FAM81A: variants seen among roughly 807,000 people sequenced by gnomAD.
FAM81A encodes the protein family with sequence similarity 81 member A.
In FAM81A, 19 loss-of-function variants were observed where a neutral mutation model predicts 46.7. The ratio of observed to expected loss-of-function variants is 0.41; its 90% CI spans 0.28 to 0.60. The LOEUF is 0.60. Ranked by LOEUF, FAM81A falls within the 20% of genes least tolerant of loss-of-function variation. The pLI is 0.34. For synonymous variants in FAM81A, 183 were observed against 152.9 expected (o/e 1.20, Z -1.45); for missense variants, 377 against 453.5 (o/e 0.83, Z 1.53).
chr15:59,435,245 C>A (rs1404989334), upstream of FAM81A, among the ~76,000 whole-genome samples: 1 of 149,080 alleles, frequency 6.7e-6, no homozygotes, highest in Non-Finnish European at 1.5e-5. Context: ...CGAGATCACG[C>A]CACTGCACTC....
At chr15:59,484,757 A>T (rs182480118) in intron 3 of FAM81A, among the ~76,000 whole-genome samples, 3 of 152,118 alleles carry the variant, frequency 2.0e-5, no homozygotes, top group African/African-American at 7.2e-5. Context: ...AGTAAAGGGG[A>T]CTTTGTCTTT....
chr15:59,484,947 G>A (rs1391904161), intron 3 of FAM81A, among the ~76,000 whole-genome samples: 6 of 152,144 alleles, frequency 3.9e-5, no homozygotes, highest in African/African-American at 1.4e-4. Context: ...ACTGAATAAA[G>A]AGCCCTTGGG....
chr15:59,476,435 TGTAGA>T lies in FAM81A; in HGVS notation c.295-15832_295-15828del, dbSNP rs1300067277. Among the ~76,000 whole-genome samples, 3 of 152,232 alleles carry T rather than the reference TGTAGA, an allele frequency of 2.0e-5. No homozygotes were observed. In the East Asian group the frequency reaches 5.8e-4, roughly 29 times the overall value. On this transcript the variant is annotated intron_variant, in intron 3 of 8. Coordinates refer to ENST00000288228, the MANE Select transcript of FAM81A (RefSeq NM_152450.3). Reference sequence around the variant, plus strand: ...ACAAACATTCAGTCCGTAACAATGATGTAGAGTAAATTTAAAAAGTACTAAAAGGA... The same window carrying T: ...ACAAACATTCAGTCCGTAACAATGATGTAAATTTAAAAAGTACTAAAAGGA...
chr15:59,439,390 ATG>A (rs146816824), intron 1 of FAM81A, among the ~76,000 whole-genome samples: 16 of 141,378 alleles, frequency 1.1e-4, no homozygotes, highest in Middle Eastern at 3.7e-3. Flanking sequence ...GCGTGTGTGT[ATG>A]TGTGTGTGTG....
At chr15:59,442,603 C>A (rs756875501) in intron 1 of FAM81A, among the ~76,000 whole-genome samples, 4 of 122,138 alleles carry the variant, frequency 3.3e-5, no homozygotes, top group Non-Finnish European at 6.3e-5. Context: ...GGCGACAGAG[C>A]GAGACTCCGT....
In FAM81A at chr15:59,488,020, A is replaced by C. The variant is rs568538509; in HGVS notation, c.295-4251A>C. ...GTTGAACACTGATGCAAAAACCCTC[A>C]ACAAAATACTGGGAAACTGAATTCA... On this transcript the variant is annotated intron_variant, in intron 3 of 8. Coordinates refer to ENST00000288228, the MANE Select transcript of FAM81A (RefSeq NM_152450.3). 2.0e-5 allele frequency among the ~76,000 whole-genome samples: 3 copies of C among 152,336 alleles called. No homozygotes were observed. The East Asian group carries it at 5.8e-4, about 29-fold the overall frequency.
intron 2 of FAM81A, among the ~76,000 whole-genome samples, chr15:59,432,807 T>A (rs1435257851): frequency 1.3e-5 from 2 of 151,922 alleles, no homozygotes; most frequent in Non-Finnish European, 2.9e-5. Flanking sequence ...TAAGGCAAAC[T>A]CAATGATCAA....
At chr15:59,514,082 G>A (rs997859881) in intron 6 of FAM81A, among the ~76,000 whole-genome samples, 9 of 152,058 alleles carry the variant, frequency 5.9e-5, no homozygotes, top group Non-Finnish European at 1.0e-4. Flanking sequence ...GGGGGCATGG[G>A]GGGGGCAAGG....
At chr15:59,492,172 C>A in intron 3 of FAM81A, 99 bp from the exon 4 acceptor site, 1 of 812,894 alleles carries the variant, frequency 1.2e-6, no homozygotes, top group Non-Finnish European at 2.0e-6. Context: ...TTATGAAAGA[C>A]TGAGTTAAAC....
At chr15:59,507,119 TTGAG>T (rs2082157449) in intron 4 of FAM81A, 90 bp from the exon 5 acceptor site, 1 of 1,453,962 alleles carries the variant, frequency 6.9e-7, no homozygotes, top group African/African-American at 1.4e-5. Context: ...TGCACTTTCT[TTGAG>T]TGGGTTTTGC....
chr15:59,518,612 C>CGCG (rs1347430048), intron 8 of FAM81A, among the ~76,000 whole-genome samples: 1 of 152,038 alleles, frequency 6.6e-6, no homozygotes, highest in Non-Finnish European at 1.5e-5. Context: ...AGGTGTGAGC[C>CGCG]GCTGCCTGGT....
At chr15:59,472,706 A>G (rs577871581) in intron 3 of FAM81A, among the ~76,000 whole-genome samples, 83 of 152,136 alleles carry the variant, frequency 5.5e-4, no homozygotes, top group African/African-American at 1.9e-3. Context: ...ACAGGCCACC[A>G]TGCCCAGCTA....
chr15:59,520,916 A>T (rs2082321149), intron 8 of FAM81A, among the ~76,000 whole-genome samples: 1 of 152,154 alleles, frequency 6.6e-6, no homozygotes, highest in South Asian at 2.1e-4. Context: ...ATTCTTTAAA[A>T]ATGTCAAGAA....
chr15:59,442,697 C>A (rs2081313259), intron 1 of FAM81A, among the ~76,000 whole-genome samples: 1 of 150,928 alleles, frequency 6.6e-6, no homozygotes. Context: ...ACATACCTTT[C>A]AACCAAATTC....
rs1436577252 is a variant in FAM81A at position 59,460,552 on chromosome 15, G to A, written c.294+346G>A. On this transcript the variant is annotated intron_variant, in intron 3 of 8. Transcript: ENST00000288228. This position sits in a 1 kb window ranked among gnomAD's most constrained non-coding sequence, Gnocchi z 4.4. ...TCATATCTTTGAAGACAGCTATTAA[G>A]TCAATTACTAAGGTCAGACTCTGTT... 5.3e-6 allele frequency: 2 copies of A among 377,256 alleles called. No individual in the cohort carries two copies. The highest frequency in any genetic ancestry group is 1.0e-5 in the Non-Finnish European group (2 of 197,404). 23.4% of individuals were successfully genotyped at this position (377,256 alleles called of 1,614,324 possible).
At chr15:59,477,298 TTTATTA>T (rs1340847385) in intron 3 of FAM81A, among the ~76,000 whole-genome samples, 1 of 152,050 alleles carries the variant, frequency 6.6e-6, no homozygotes. Context: ...TGCCTGAGTT[TTTATTA>T]TTATTATTAT....
At chr15:59,490,856 C>A (rs192573133) in intron 3 of FAM81A, among the ~76,000 whole-genome samples, 1 of 152,186 alleles carries the variant, frequency 6.6e-6, no homozygotes, top group East Asian at 1.9e-4. Flanking sequence ...AACAAAACTA[C>A]AATGAGATAT....
intron 3 of FAM81A, among the ~76,000 whole-genome samples, chr15:59,485,288 A>T (rs2081904418): frequency 6.6e-6 from 1 of 152,180 alleles, no homozygotes; most frequent in Non-Finnish European, 1.5e-5. Flanking sequence ...CCATGTAGTG[A>T]TTACAGCAGG....
rs758247940 is a variant in FAM81A, at chr15:59,508,923, A to T, written c.604A>T (p.Met202Leu). ...ATCAGAGCAGAGCACCAAACTGAAG[A>T]TGTCTCACAGAGACAGTAACCACCA... ...SISEQSTKLKMSHRDSNHQLQ... is the reference protein window; with the variant it reads ...SISEQSTKLKLSHRDSNHQLQ... The change falls in exon 6 of 9, where the codon ATG becomes TTG. Residue 202 changes from methionine (M) to leucine (L), a missense_variant. By Grantham distance (15) the Met-to-Leu change is conservative. Transcript: ENST00000288228. 3.1e-6 allele frequency: 5 copies of T among 1,613,442 alleles called. No individual in the cohort carries two copies. In the Admixed American group the frequency reaches 8.3e-5, roughly 27 times the overall value.
Sources: gnomAD v4.1 joint callset for allele counts (sites outside exome capture counted in the v4.1 genomes callset) on GRCh38, gnomAD v4.1.1 for gene constraint, Gnocchi (gnomAD v3.1) non-coding constraint, MANE v1.5 for transcripts, NCBI Gene and HGNC (gene_info 2026-07-23, HGNC 2026-07-21) for gene names.